ZNF727: variants seen among roughly 807,000 people sequenced by gnomAD.
The protein encoded by ZNF727 is putative zinc finger protein 727.
In ZNF727, 11 loss-of-function variants were observed where a neutral mutation model predicts 11.5. The observed-to-expected ratio is 0.95, with a 90% CI of 0.60 to 1.58. The LOEUF (loss-of-function observed/expected upper bound fraction) is 1.58. Among genes scored for constraint, ZNF727 ranks in the 40% most tolerant of loss-of-function variants. The pLI, the probability that ZNF727 is intolerant of heterozygous loss-of-function variation, is 0.00. For synonymous variants in ZNF727, 171 were observed against 196.1 expected, an observed-to-expected ratio of 0.87 and a Z score of 1.07; for missense variants, 533 against 581.7, an observed-to-expected ratio of 0.92 and a Z score of 0.86.
At chr7:64,076,432 G>A (rs574174565) in intron 3 of ZNF727, among the ~76,000 whole-genome samples, 1 of 152,212 alleles carries the variant, frequency 6.6e-6, no homozygotes, top group African/African-American at 2.4e-5. Context: ...CCAACACGGT[G>A]AAACCCCATC....
chr7:64,051,154 A>G, intron 1 of ZNF727, among the ~76,000 whole-genome samples: 1 of 152,208 alleles, frequency 6.6e-6, no homozygotes, highest in East Asian at 1.9e-4. Context: ...ACAAAGCAAC[A>G]AAAGTTTCCA....
At position 64,078,313 on chromosome 7, in the gene ZNF727, A is replaced by G. The variant is rs1785722996; in HGVS notation, c.1264A>G (p.Arg422Gly). 2 of 1,579,904 alleles carry G rather than the reference A, an allele frequency of 1.3e-6. No homozygotes were observed. The highest frequency in any genetic ancestry group is 2.7e-5 in the African/African-American group (2 of 73,752). ...ACACAAGAGAATTCATATGGAAGTGAGACCTTACAAATGTGAAGAATGTGG... is the reference window on the plus strand; with the variant it reads ...ACACAAGAGAATTCATATGGAAGTGGGACCTTACAAATGTGAAGAATGTGG... ...IKHKRIHMEV[R>G]PYKCEECGKT... is the part of the protein sequence containing the mutation. The change falls in exon 4 of 4, where the codon AGA becomes GGA. Residue 422 changes from arginine to glycine, a missense_variant. This residue lies in a region of ZNF727 where 463 missense variants were observed against 494.5 expected (regional missense o/e 0.94). Transcript: ENST00000456806.
In ZNF727 at chr7:64,067,867, C is replaced by T. The variant is rs142905305; in HGVS notation, c.4-1024C>T. Among the ~76,000 whole-genome samples the T allele has an allele frequency of 3.6e-3, 544 of 151,262 alleles. 5 individuals are homozygous for T. The highest frequency in any genetic ancestry group is 0.012 in the Admixed American group (183 of 15,108). The stretch of plus-strand genomic sequence containing the variant: ...CATGTATACCTATGTAACAAACCCA[C>T]GTGTTCTGCACATGTATCCCAGAAC... On this transcript the variant is annotated intron_variant, in intron 1 of 3. Coordinates refer to ENST00000456806, the MANE Select transcript of ZNF727 (RefSeq NM_001159522.3).
intron 1 of ZNF727, among the ~76,000 whole-genome samples, chr7:64,050,591 T>C (rs1329729304): frequency 6.6e-6 from 1 of 152,198 alleles, no homozygotes; most frequent in Non-Finnish European, 1.5e-5. Flanking sequence ...GAGATTTTGT[T>C]TTCCAAACAG....
At chr7:64,071,092 G>A (rs532771538) in intron 3 of ZNF727, among the ~76,000 whole-genome samples, 5 of 151,882 alleles carry the variant, frequency 3.3e-5, no homozygotes, top group Non-Finnish European at 5.9e-5. Flanking sequence ...TGGAGGTGCA[G>A]GTATTTCTTT....
In ZNF727 at chr7:64,077,602, T is replaced by A. The variant is rs1186914670; in HGVS notation, c.553T>A (p.Ser185Thr). The A allele has an allele frequency of 1.3e-6, 2 of 1,551,604 alleles. No homozygotes were observed. The highest frequency in any genetic ancestry group is 2.0e-5 in the Admixed American group (1 of 50,986). Residue 185 changes from serine to threonine, a missense_variant, in exon 4 of 4, where the codon TCA (serine) becomes ACA (threonine). This residue lies in a region of ZNF727 where 463 missense variants were observed against 494.5 expected (regional missense o/e 0.94). Transcript: ENST00000456806. ...CEECGKDCRL[S>T]DFTIQKRIHT... ...AGAATGTGGCAAAGACTGTAGGTTG[T>A]CAGATTTTACCATACAGAAGAGAAT...
intron 3 of ZNF727, among the ~76,000 whole-genome samples, chr7:64,072,170 T>G (rs753219662): frequency 2.0e-5 from 3 of 152,160 alleles, no homozygotes; most frequent in Non-Finnish European, 2.9e-5. Context: ...TTTCCAATTT[T>G]ATAGACTGAT....
intron 3 of ZNF727, among the ~76,000 whole-genome samples, chr7:64,075,092 TTA>T (rs1584155737): frequency 6.6e-6 from 1 of 152,070 alleles, no homozygotes; most frequent in South Asian, 2.1e-4. Flanking sequence ...AATCTTTGAT[TTA>T]TATGTCTAAG....
Position 64,077,453 on chromosome 7 carries a change from A to C in ZNF727, c.404A>C (p.Gln135Pro). ...AAAAGCAGTTATAATGGCATTCATC[A>C]ATGTTTGTCAGCTACCCGTAGCAAA... ...GQKSSYNGIH[Q>P]CLSATRSKTC... is the part of the protein sequence containing the mutation. Residue 135 changes from glutamine (Q) to proline (P), a missense_variant, in exon 4 of 4, where the codon CAA becomes CCA. By Grantham distance (76) the Gln-to-Pro change is moderately conservative (BLOSUM62 -1). Coordinates refer to ENST00000456806, the MANE Select transcript of ZNF727 (RefSeq NM_001159522.3). The C allele has an allele frequency of 6.4e-7, 1 of 1,551,950 alleles. No individual in the cohort carries two copies. Among genetic ancestry groups the C allele is most frequent in the Non-Finnish European group, 8.7e-7 (1 of 1,147,042 alleles).
chr7:64,060,359 A>AG (rs1391339514), intron 1 of ZNF727, among the ~76,000 whole-genome samples: 1 of 152,230 alleles, frequency 6.6e-6, no homozygotes, highest in East Asian at 1.9e-4. Context: ...ATATAAACAC[A>AG]GAGATACGCA....
chr7:64,061,953 T>C (rs1427876543), intron 1 of ZNF727, among the ~76,000 whole-genome samples: 3 of 152,034 alleles, frequency 2.0e-5, no homozygotes, highest in African/African-American at 7.2e-5. Flanking sequence ...TTAACACTTA[T>C]AAAAATGAAC....
intron 3 of ZNF727, among the ~76,000 whole-genome samples, chr7:64,072,733 A>G (rs1789981669): frequency 6.6e-6 from 1 of 152,154 alleles, no homozygotes; most frequent in South Asian, 2.1e-4. Context: ...TAGGTGAACC[A>G]TTTCTTGGTC....
At chr7:64,060,415 A>G (rs1789751811) in intron 1 of ZNF727, among the ~76,000 whole-genome samples, 1 of 152,204 alleles carries the variant, frequency 6.6e-6, no homozygotes, top group Non-Finnish European at 1.5e-5. Context: ...GCTTGCCCCA[A>G]AATCTGCAGG....
rs1789490892 is a variant in ZNF727, at chr7:64,045,715, C to A, written c.3+91C>A. On this transcript the variant is annotated intron_variant, in intron 1 of 3. Coordinates refer to ENST00000456806, the MANE Select transcript of ZNF727 (RefSeq NM_001159522.3). Reference sequence around the variant, plus strand: ...TGCGGTGGGATCTTGGCCTCGCGGTCAGCTCTGCAGCAGCTCCGAGTCCCC... The same window carrying A: ...TGCGGTGGGATCTTGGCCTCGCGGTAAGCTCTGCAGCAGCTCCGAGTCCCC... 5 of 1,507,838 alleles carry A rather than the reference C, an allele frequency of 3.3e-6. No homozygotes were observed. The South Asian group carries it at 6.2e-5, about 19-fold the overall frequency. 93.4% of individuals were successfully genotyped at this position (1,507,838 alleles called of 1,614,324 possible). A position where few individuals can be genotyped will look rare whatever the true frequency, so the allele number is the denominator to read the frequency against.
chr7:64,082,251 G>A lies in ZNF727; in HGVS notation c.*3702G>A, dbSNP rs1785804699. 6.6e-6 allele frequency among the ~76,000 whole-genome samples: 1 copy of A among 152,168 alleles called. No homozygotes were observed. Among genetic ancestry groups the A allele is most frequent in the African/African-American group, 2.4e-5 (1 of 41,464 alleles). ...GGCTCAATAGCTCTGGCAATGATTG[G>A]CTAGTGGCCCAGGCCTGGAGAACTT... On this transcript the variant is annotated 3_prime_UTR_variant, in exon 4 of 4. Coordinates refer to ENST00000456806, the MANE Select transcript of ZNF727 (RefSeq NM_001159522.3).
Position 64,080,873 on chromosome 7 carries a change from T to A in ZNF727, c.*2324T>A, listed in dbSNP as rs1785774722. Among the ~76,000 whole-genome samples, 1 of 150,814 alleles carries A rather than the reference T, an allele frequency of 6.6e-6. No homozygotes were observed. The highest frequency in any genetic ancestry group is 6.7e-5 in the Admixed American group (1 of 14,910). On this transcript the variant is annotated 3_prime_UTR_variant, in exon 4 of 4. Transcript: ENST00000456806. ...AGGCTTTGTTCCTGGGAGTTTTTTG[T>A]TTTTTGTTTTTTGTTTTTGTTTTTT...
intron 1 of ZNF727, among the ~76,000 whole-genome samples, chr7:64,065,264 G>T (rs117522961): frequency 0.026 from 4,018 of 152,240 alleles, 68 homozygotes; most frequent in Non-Finnish European, 0.039. Flanking sequence ...CATAGAGACT[G>T]CTCTGCTTAG....
rs1003143112 is a variant in ZNF727 at position 64,082,435 on chromosome 7, C to A, written c.*3886C>A. ...ACCAGTGAATACTGTAAAACAGCAA[C>A]AATGGCAGCATGCCCTTTTTTCTAA... On this transcript the variant is annotated 3_prime_UTR_variant, in exon 4 of 4. Coordinates refer to ENST00000456806, the MANE Select transcript of ZNF727 (RefSeq NM_001159522.3). Among the ~76,000 whole-genome samples the A allele has an allele frequency of 2.0e-5, 3 of 152,348 alleles. No individual in the cohort carries two copies. The highest frequency in any genetic ancestry group is 4.8e-5 in the African/African-American group (2 of 41,586).
chr7:64,073,235 A>G (rs1362082535), intron 3 of ZNF727, among the ~76,000 whole-genome samples: 1 of 150,970 alleles, frequency 6.6e-6, no homozygotes, highest in Non-Finnish European at 1.5e-5. Flanking sequence ...GACTGCTTTC[A>G]TGAATATATT....
Sources: gnomAD v4.1 joint callset for allele counts (sites outside exome capture counted in the v4.1 genomes callset) on GRCh38, gnomAD v4.1.1 for gene constraint, gnomAD v4.1.1 regional missense constraint, MANE v1.5 for transcripts, NCBI Gene and HGNC (gene_info 2026-07-23, HGNC 2026-07-21) for gene names.